RANBP9: variants seen among roughly 807,000 people sequenced by gnomAD.
RANBP9 encodes RAN binding protein 9.
RANBP9 carries 15 observed loss-of-function variants against 84.3 expected under a neutral mutation model. That is an observed-to-expected ratio of 0.18 (90% CI 0.12 to 0.27). RANBP9 has a LOEUF of 0.27. Among genes scored for constraint, RANBP9 ranks in the 10% least tolerant of loss-of-function variants. The pLI, the probability that RANBP9 is intolerant of heterozygous loss-of-function variation, is 1.00. For synonymous variants in RANBP9, 392 were observed against 349.6 expected, an observed-to-expected ratio of 1.12 and a Z score of -1.35; for missense variants, 809 against 912.8, an observed-to-expected ratio of 0.89 and a Z score of 1.46.
intron 1 of RANBP9, among the ~76,000 whole-genome samples, chr6:13,706,969 G>A (rs981156320): frequency 6.2e-5 from 9 of 144,630 alleles, no homozygotes; most frequent in South Asian, 2.1e-4. Flanking sequence ...TTGTACCACC[G>A]CACTCCAGCC....
At chr6:13,645,803 A>C (rs1288585511) in intron 5 of RANBP9, among the ~76,000 whole-genome samples, 3 of 152,172 alleles carry the variant, frequency 2.0e-5, no homozygotes, top group East Asian at 3.9e-4. Flanking sequence ...TCAGTACAAA[A>C]CAAGGTAAAG....
At chr6:13,678,899 A>G (rs1050844246) in intron 2 of RANBP9, among the ~76,000 whole-genome samples, 2 of 152,204 alleles carry the variant, frequency 1.3e-5, no homozygotes, top group African/African-American at 4.8e-5. Context: ...ATTAATATAC[A>G]AAATAAATTT....
At chr6:13,628,875 A>G (rs1158811915) in intron 12 of RANBP9, among the ~76,000 whole-genome samples, 1 of 152,230 alleles carries the variant, frequency 6.6e-6, no homozygotes. Context: ...TACTGCTGGT[A>G]AAAGTTGGTA....
At chr6:13,706,793 G>A (rs1459700542) in intron 1 of RANBP9, among the ~76,000 whole-genome samples, 1 of 151,474 alleles carries the variant, frequency 6.6e-6, no homozygotes, top group Non-Finnish European at 1.5e-5. Context: ...TCTGAGGTCA[G>A]GAGTTCAAGA....
chr6:13,703,293 G>C (rs964021442), intron 1 of RANBP9, among the ~76,000 whole-genome samples: 1 of 152,126 alleles, frequency 6.6e-6, no homozygotes, highest in African/African-American at 2.4e-5. Context: ...TTGGCCCACT[G>C]CTTTTTCTCA....
chr6:13,698,595 C>T (rs1272273265), intron 1 of RANBP9, among the ~76,000 whole-genome samples: 1 of 151,928 alleles, frequency 6.6e-6, no homozygotes, highest in East Asian at 1.9e-4. Flanking sequence ...GGGGAGTGAC[C>T]CAAACTTTTA....
chr6:13,669,666 C>T (rs1765729184), intron 2 of RANBP9, among the ~76,000 whole-genome samples: 1 of 152,192 alleles, frequency 6.6e-6, no homozygotes, highest in African/African-American at 2.4e-5. Flanking sequence ...CCACAGCTTA[C>T]TGCAGCCTTT....
chr6:13,669,598 T>C (rs918101064), intron 2 of RANBP9, among the ~76,000 whole-genome samples: 8 of 152,146 alleles, frequency 5.3e-5, no homozygotes, highest in Non-Finnish European at 4.4e-5. Context: ...TTTGTTATTG[T>C]TGTTGTTTTG....
rs773022063 is a variant in RANBP9, at chr6:13,711,150, G to A, written c.356C>T (p.Pro119Leu). 2.8e-4 allele frequency: 430 copies of A among 1,509,962 alleles called. No homozygotes were observed. The highest frequency in any genetic ancestry group is 3.7e-4 in the Non-Finnish European group (415 of 1,131,170). The allele number at this position is 1,509,962 out of a possible 1,614,324, so 93.5% of individuals were successfully genotyped here. The change falls in exon 1 of 14, where the codon CCG becomes CTG. Residue 119 changes from proline (P) to leucine (L), a missense_variant. Physicochemically the swap from Pro to Leu is moderately conservative, Grantham distance 98. Transcript: ENST00000011619. ...AAGPGPAGGA[P>L]TPALVAGSSA... is the part of the protein sequence containing the mutation. ...GCTGCCCGCCACCAGAGCTGGGGTC[G>A]GGGCTCCTCCAGCCGGGCCGGGGCC... is the stretch of plus-strand genomic sequence containing the variant.
At chr6:13,632,957 A>C (rs1191465525) in intron 11 of RANBP9, among the ~76,000 whole-genome samples, 1 of 152,180 alleles carries the variant, frequency 6.6e-6, no homozygotes, top group Non-Finnish European at 1.5e-5. Flanking sequence ...GACTACAATA[A>C]AAATACAGAA....
chr6:13,651,868 A>AT (rs1765305860), intron 5 of RANBP9, among the ~76,000 whole-genome samples: 2 of 152,036 alleles, frequency 1.3e-5, no homozygotes, highest in Admixed American at 1.3e-4. Context: ...CCCCAACCCC[A>AT]TTATTATCTC....
intron 2 of RANBP9, among the ~76,000 whole-genome samples, chr6:13,682,378 A>C (rs1171068213): frequency 1.3e-5 from 2 of 151,594 alleles, no homozygotes; most frequent in Non-Finnish European, 2.9e-5. Flanking sequence ...GATATATTCT[A>C]AAGACTGAAG....
At chr6:13,635,242 C>A (rs1034558831) in intron 10 of RANBP9, among the ~76,000 whole-genome samples, 1 of 152,306 alleles carries the variant, frequency 6.6e-6, no homozygotes, top group African/African-American at 2.4e-5. Flanking sequence ...TGGATAGTTT[C>A]CAGTTTTCAC....
chr6:13,679,852 G>A (rs150610188), intron 2 of RANBP9, among the ~76,000 whole-genome samples: 155 of 152,226 alleles, frequency 1.0e-3, no homozygotes, highest in Non-Finnish European at 1.7e-3. Flanking sequence ...CTTCACAAGT[G>A]CTATAACTTA....
chr6:13,631,855 T>G (rs991746278), intron 12 of RANBP9, among the ~76,000 whole-genome samples: 1 of 152,216 alleles, frequency 6.6e-6, no homozygotes, highest in Non-Finnish European at 1.5e-5. Context: ...GAAGAGACTT[T>G]AAAATGTATT....
chr6:13,662,578 A>G lies in RANBP9; in HGVS notation c.684-3746T>C, dbSNP rs562722766. ...TCAGGAATGGGATTTTTGCCCTAAT[A>G]AAAGAGGCGTGAGAAGGCTTGTTTG... is the stretch of plus-strand genomic sequence containing the variant. On this transcript the variant is annotated intron_variant, in intron 2 of 13. Transcript: ENST00000011619. Among the ~76,000 whole-genome samples the G allele has an allele frequency of 3.9e-5, 6 of 152,236 alleles. No homozygotes were observed. The East Asian group carries it at 1.2e-3, about 29-fold the overall frequency.
chr6:13,683,425 C>T (rs1291498472), intron 2 of RANBP9, among the ~76,000 whole-genome samples: 1 of 152,038 alleles, frequency 6.6e-6, no homozygotes, highest in African/African-American at 2.4e-5. Context: ...ACATGGGTGT[C>T]TTTAAGACAT....
At chr6:13,667,476 T>C (rs1402177118) in intron 2 of RANBP9, among the ~76,000 whole-genome samples, 1 of 152,190 alleles carries the variant, frequency 6.6e-6, no homozygotes, top group Non-Finnish European at 1.5e-5. Context: ...TAAAAACCTA[T>C]TTACAGTGAT....
chr6:13,647,773 T>C (rs1373709973), intron 5 of RANBP9, among the ~76,000 whole-genome samples: 1 of 152,170 alleles, frequency 6.6e-6, no homozygotes. Context: ...AAAAAAACTT[T>C]TAGTAATATT....
Sources: gnomAD v4.1 joint callset for allele counts (sites outside exome capture counted in the v4.1 genomes callset) on GRCh38, gnomAD v4.1.1 for gene constraint, MANE v1.5 for transcripts, NCBI Gene and HGNC (gene_info 2026-07-23, HGNC 2026-07-21) for gene names.